KHDRBS2: variants seen among roughly 807,000 people sequenced by gnomAD.
The protein encoded by KHDRBS2 is KH RNA binding domain containing, signal transduction associated 2, also known as KH domain-containing, RNA-binding, signal transduction-associated protein 2.
In KHDRBS2, 26 loss-of-function variants were observed where a neutral mutation model predicts 44.3. That is an observed-to-expected ratio of 0.59 (90% CI 0.43 to 0.81). KHDRBS2 has a LOEUF of 0.81. Ranked by LOEUF, KHDRBS2 falls within the 40% of genes least tolerant of loss-of-function variation. The pLI is 0.00. For missense variants in KHDRBS2, 476 were observed against 433.1 expected (o/e 1.10, Z -0.88); for synonymous variants, 194 against 151.1 (o/e 1.28, Z -2.08).
chr6:61,647,123 T>C, the KHDRBS2 span, among the ~76,000 whole-genome samples: 2 of 152,084 alleles, frequency 1.3e-5, no homozygotes, highest in Admixed American at 6.6e-5. Flanking sequence ...CTGGCCCATA[T>C]GGTAAAAATT....
intron 4 of KHDRBS2, among the ~76,000 whole-genome samples, chr6:61,937,012 ACAATAAATTGGCCC>A (rs1811147498): frequency 6.6e-6 from 1 of 151,984 alleles, no homozygotes; most frequent in Non-Finnish European, 1.5e-5. Flanking sequence ...ATGTTTTCAA[ACAATAAATTGGCCC>A]CATTTTCTTG....
intron 3 of KHDRBS2, among the ~76,000 whole-genome samples, chr6:62,001,208 T>C (rs998679899): frequency 1.3e-5 from 2 of 152,190 alleles, no homozygotes; most frequent in Admixed American, 6.5e-5. Context: ...AATTAGGTTT[T>C]AGCCTAATTA....
chr6:62,275,195 CTT>C (rs1840729691), intron 1 of KHDRBS2, among the ~76,000 whole-genome samples: 2 of 152,254 alleles, frequency 1.3e-5, no homozygotes, highest in Non-Finnish European at 2.9e-5. Context: ...AATATCCAAT[CTT>C]TCAGTAATTT....
chr6:61,776,581 TA>T (rs1430454217), intron 6 of KHDRBS2, among the ~76,000 whole-genome samples: 1 of 152,072 alleles, frequency 6.6e-6, no homozygotes, highest in Non-Finnish European at 1.5e-5. Context: ...ATCAAAACCA[TA>T]ATGAGATACC....
intron 6 of KHDRBS2, among the ~76,000 whole-genome samples, chr6:61,839,388 G>A (rs1321776154): frequency 1.3e-5 from 2 of 150,212 alleles, no homozygotes; most frequent in African/African-American, 4.9e-5. Flanking sequence ...GCAAGTAATA[G>A]ATATTTGTAA....
At chr6:62,117,628 T>C (rs935052239) in intron 2 of KHDRBS2, among the ~76,000 whole-genome samples, 1 of 152,130 alleles carries the variant, frequency 6.6e-6, no homozygotes, top group African/African-American at 2.4e-5. Flanking sequence ...CATTTCTATA[T>C]TTTTGCTCCT....
At chr6:61,922,783 A>G (rs1254744067) in intron 4 of KHDRBS2, among the ~76,000 whole-genome samples, 1 of 152,154 alleles carries the variant, frequency 6.6e-6, no homozygotes, top group Admixed American at 6.6e-5. Context: ...AAGACCTAAT[A>G]GAGTCCAACA....
At chr6:61,918,925 G>A (rs1309969521) in intron 4 of KHDRBS2, among the ~76,000 whole-genome samples, 3 of 151,872 alleles carry the variant, frequency 2.0e-5, no homozygotes, top group African/African-American at 7.2e-5. Context: ...CCTGAACACA[G>A]GAATTCTGAG....
the KHDRBS2 span, among the ~76,000 whole-genome samples, chr6:61,581,853 T>C: frequency 6.6e-6 from 1 of 151,454 alleles, no homozygotes; most frequent in African/African-American, 2.4e-5. Context: ...AAAGAGTATA[T>C]GAAGTGCTCA....
intron 1 of KHDRBS2, among the ~76,000 whole-genome samples, chr6:62,183,985 T>C (rs1206334088): frequency 6.6e-6 from 1 of 151,772 alleles, no homozygotes; most frequent in Non-Finnish European, 1.5e-5. Flanking sequence ...GTAAAGTTTA[T>C]ACCACTTTTT....
chr6:62,033,707 C>T (rs979830031), intron 3 of KHDRBS2, among the ~76,000 whole-genome samples: 72 of 150,358 alleles, frequency 4.8e-4, no homozygotes, highest in African/African-American at 1.5e-3. Flanking sequence ...TATATGCAAA[C>T]ATGAAGGAGA....
At chr6:62,028,174 ACTC>A (rs1269295139) in intron 3 of KHDRBS2, among the ~76,000 whole-genome samples, 1 of 151,812 alleles carries the variant, frequency 6.6e-6, no homozygotes, top group Non-Finnish European at 1.5e-5. Context: ...CTGGGAAAAA[ACTC>A]CACACATCTG....
chr6:61,999,092 T>C (rs1297732808), intron 3 of KHDRBS2, among the ~76,000 whole-genome samples: 1 of 152,084 alleles, frequency 6.6e-6, no homozygotes, highest in African/African-American at 2.4e-5. Context: ...AGGCAAACTA[T>C]AAATCAATTT....
intron 6 of KHDRBS2, among the ~76,000 whole-genome samples, chr6:61,770,129 T>A (rs1442029846): frequency 6.6e-6 from 1 of 152,124 alleles, no homozygotes; most frequent in Non-Finnish European, 1.5e-5. Flanking sequence ...GAGGGTCCTG[T>A]CTGTTAGAAG....
At chr6:61,899,734 C>CCT (rs1803589120) in intron 5 of KHDRBS2, among the ~76,000 whole-genome samples, 1 of 58,682 alleles carries the variant, frequency 1.7e-5, no homozygotes, top group South Asian at 4.2e-4. Flanking sequence ...TGTTTTAATG[C>CCT]CCCCCCCCCG....
In KHDRBS2 at chr6:61,680,898, C is replaced by A; in HGVS notation, c.*65G>T. 2.1e-6 allele frequency: 2 copies of A among 967,520 alleles called. No homozygotes were observed. The highest frequency in any genetic ancestry group is 3.2e-6 in the Non-Finnish European group (2 of 616,090). 59.9% of individuals were successfully genotyped at this position (967,520 alleles called of 1,614,324 possible). On this transcript the variant is annotated 3_prime_UTR_variant, in exon 9 of 9. Transcript: ENST00000281156. ...AAAAGGACTATTACTTGTCTTGTTG[C>A]TGTTTATGTGGAGACCACAGGCTAT...
intron 2 of KHDRBS2, among the ~76,000 whole-genome samples, chr6:62,048,218 TAA>T (rs1374891206): frequency 2.6e-5 from 4 of 151,530 alleles, no homozygotes; most frequent in Non-Finnish European, 5.9e-5. Context: ...TATCTCTTCT[TAA>T]AAGAATGCCA....
At chr6:61,896,906 G>A (rs184992582) in intron 5 of KHDRBS2, among the ~76,000 whole-genome samples, 1 of 152,204 alleles carries the variant, frequency 6.6e-6, no homozygotes, top group Admixed American at 6.5e-5. Context: ...TCTGGAAAAT[G>A]TTTCTTTGGA....
At chr6:62,058,386 C>T (rs146452234) in intron 2 of KHDRBS2, among the ~76,000 whole-genome samples, 14 of 152,026 alleles carry the variant, frequency 9.2e-5, no homozygotes, top group African/African-American at 2.9e-4. Flanking sequence ...GTTACTTTCA[C>T]GTCCATCATA....
Sources: allele counts gnomAD v4.1 joint callset (sites outside exome capture counted in the v4.1 genomes callset), GRCh38; gene constraint gnomAD v4.1.1; transcripts MANE v1.5; gene names NCBI Gene and HGNC (gene_info 2026-07-23, HGNC 2026-07-21).